The following ACVR1C variants were observed in gnomAD, a reference collection of about 807,000 sequenced individuals.
ACVR1C encodes the protein activin receptor type-1C.
In ACVR1C, 23 loss-of-function variants were observed where a neutral mutation model predicts 57.9. That is an observed-to-expected ratio of 0.40 (90% CI 0.29 to 0.56). The LOEUF is 0.56. Among genes scored for constraint, ACVR1C ranks in the 20% least tolerant of loss-of-function variants. The probability of loss-of-function intolerance (pLI) is 0.50; values close to 1 mark genes in which losing one functional copy is unlikely to be tolerated. For synonymous variants in ACVR1C, 214 were observed against 215.3 expected (o/e 0.99, Z 0.05); for missense variants, 480 against 607.9 (o/e 0.79, Z 2.21).
At chr2:157,588,246 C>G (rs1413235085) in intron 1 of ACVR1C, among the ~76,000 whole-genome samples, 2 of 151,332 alleles carry the variant, frequency 1.3e-5, no homozygotes, top group African/African-American at 4.8e-5. Flanking sequence ...TACACACACA[C>G]ACACACACAC....
rs1687253081 is a variant in ACVR1C, at chr2:157,527,375, G to C, written c.*6543C>G. 6.6e-6 allele frequency: 1 copy of C among 152,088 alleles called. No homozygotes were observed. The highest frequency in any genetic ancestry group is 1.5e-5 in the Non-Finnish European group (1 of 68,014). The allele number at this position is 152,088 out of a possible 1,614,324, so 9.4% of individuals were successfully genotyped here. The stretch of plus-strand genomic sequence containing the variant: ...TAGCTTACAAAAAGTCTTTACAACG[G>C]TGATTCTTTTCACAGTAGTTCAAGA... On this transcript the variant is annotated 3_prime_UTR_variant, in exon 9 of 9. Coordinates refer to ENST00000243349, the MANE Select transcript of ACVR1C (RefSeq NM_145259.3).
At chr2:157,582,299 A>T (rs549307766) in intron 2 of ACVR1C, among the ~76,000 whole-genome samples, 22 of 151,918 alleles carry the variant, frequency 1.4e-4, no homozygotes, top group Non-Finnish European at 2.4e-4. Flanking sequence ...GCCTTAAAAA[A>T]TTTTTTTTTA....
At position 157,531,159 on chromosome 2, in the gene ACVR1C, T is replaced by G. The variant is rs1485845983; in HGVS notation, c.*2759A>C. ...AAAAACAATATAACATTTGACAGCA[T>G]AAGTATATACAAGAAGCCTGCCTTA... On this transcript the variant is annotated 3_prime_UTR_variant, in exon 9 of 9. Transcript: ENST00000243349. 2 of 151,764 alleles carry G rather than the reference T, an allele frequency of 1.3e-5. No homozygotes were observed. The highest frequency in any genetic ancestry group is 2.9e-5 in the Non-Finnish European group (2 of 67,890). 9.4% of individuals were successfully genotyped at this position (151,764 alleles called of 1,614,324 possible). A position where few individuals can be genotyped will look rare whatever the true frequency, so the allele number is the denominator to read the frequency against.
chr2:157,556,049 A>G (rs1457508351), intron 3 of ACVR1C, 44 bp downstream of exon 3: 1 of 1,569,684 alleles, frequency 6.4e-7, no homozygotes. Context: ...ACTTTTAAAT[A>G]AAAGTGTTTT....
chr2:157,627,661 C>T (rs1161987872), intron 1 of ACVR1C, among the ~76,000 whole-genome samples: 2 of 152,186 alleles, frequency 1.3e-5, no homozygotes, highest in Non-Finnish European at 2.9e-5. Context: ...CAAAACACAG[C>T]TCTATGGGAA....
chr2:157,552,659 A>G (rs541792761), intron 3 of ACVR1C, among the ~76,000 whole-genome samples: 1 of 152,356 alleles, frequency 6.6e-6, no homozygotes, highest in South Asian at 2.1e-4. Context: ...TATGCTTTCA[A>G]ACTGCAAATT....
intron 1 of ACVR1C, among the ~76,000 whole-genome samples, chr2:157,621,549 A>T (rs1355247046): frequency 6.6e-6 from 1 of 152,172 alleles, no homozygotes; most frequent in Non-Finnish European, 1.5e-5. Context: ...CAAGAAAAAC[A>T]AGGGGCTCAT....
At position 157,602,917 on chromosome 2, in the gene ACVR1C, T is replaced by C. The variant is rs535621668; in HGVS notation, c.74-15500A>G. 3.9e-5 allele frequency among the ~76,000 whole-genome samples: 6 copies of C among 152,316 alleles called. No individual in the cohort carries two copies. The South Asian group carries it at 1.2e-3, about 32-fold the overall frequency. ...GTAATCAGGGATGAATATTAATTTG[T>C]TAAAGTCATTTCTTGTTCCGTCAAA... is the stretch of plus-strand genomic sequence containing the variant. On this transcript the variant is annotated intron_variant, in intron 1 of 8. Transcript: ENST00000243349.
chr2:157,546,541 A>G (rs1687759496), intron 4 of ACVR1C, among the ~76,000 whole-genome samples: 1 of 152,126 alleles, frequency 6.6e-6, no homozygotes, highest in African/African-American at 2.4e-5. Context: ...TTAATAGATA[A>G]TTTGTCTTAA....
intron 2 of ACVR1C, among the ~76,000 whole-genome samples, chr2:157,584,109 C>A (rs1688856649): frequency 6.6e-6 from 1 of 151,828 alleles, no homozygotes; most frequent in Non-Finnish European, 1.5e-5. Flanking sequence ...CACAATTTAT[C>A]TATCTGATAA....
chr2:157,610,492 A>C (rs921386310), intron 1 of ACVR1C, among the ~76,000 whole-genome samples: 1 of 152,138 alleles, frequency 6.6e-6, no homozygotes, highest in Non-Finnish European at 1.5e-5. Context: ...GATTTTACAC[A>C]GCTTGATTAT....
In ACVR1C at chr2:157,554,339, GAGAA is replaced by G. The variant is rs1433104040; in HGVS notation, c.544+1750_544+1753del. On this transcript the variant is annotated intron_variant, in intron 3 of 8. Coordinates refer to ENST00000243349, the MANE Select transcript of ACVR1C (RefSeq NM_145259.3). ...AGAAAAAGAAAAAGAAAGAGAAAGA[GAGAA>G]AGAAAGAAAGAGAAAGAAAGAAAGA... 3.7e-3 allele frequency among the ~76,000 whole-genome samples: 458 copies of G among 124,784 alleles called. 6 individuals carry two copies. The highest frequency in any genetic ancestry group is 0.029 in the South Asian group (103 of 3,560). 81.9% of individuals were successfully genotyped at this position (124,784 alleles called of 152,430 possible).
At chr2:157,566,737 G>A (rs549770378) in intron 2 of ACVR1C, among the ~76,000 whole-genome samples, 15 of 151,674 alleles carry the variant, frequency 9.9e-5, no homozygotes, top group Non-Finnish European at 1.8e-4. Context: ...CTGATTGCTA[G>A]CACAGCAGTC....
chr2:157,606,304 TG>T (rs1682395317), intron 1 of ACVR1C, among the ~76,000 whole-genome samples: 1 of 151,874 alleles, frequency 6.6e-6, no homozygotes, highest in African/African-American at 2.4e-5. Flanking sequence ...TTATTTCCTT[TG>T]GATAAATACC....
intron 2 of ACVR1C, among the ~76,000 whole-genome samples, chr2:157,579,022 CT>C (rs959597449): frequency 6.6e-6 from 1 of 152,148 alleles, no homozygotes; most frequent in African/African-American, 2.4e-5. Context: ...CTCTAATTAA[CT>C]TTTTTTCCTC....
rs1687423208 is a variant in ACVR1C at position 157,534,058 on chromosome 2, A to G, written c.1357-15T>C. 2 of 1,518,304 alleles carry G rather than the reference A, an allele frequency of 1.3e-6. No homozygotes were observed. The highest frequency in any genetic ancestry group is 1.8e-6 in the Non-Finnish European group (2 of 1,138,560). 94.1% of individuals were successfully genotyped at this position (1,518,304 alleles called of 1,614,324 possible). ...ACTCGGAGTGCCTTTAAGAGAGAAA[A>G]AAAAAATCAAAGACTTTAGCTACTC... is the stretch of plus-strand genomic sequence containing the variant. On this transcript the variant is annotated splice_polypyrimidine_tract_variant and intron_variant, in intron 8 of 8. Coordinates refer to ENST00000243349, the MANE Select transcript of ACVR1C (RefSeq NM_145259.3).
Position 157,587,264 on chromosome 2 carries a change from T to C in ACVR1C, c.227A>G (p.His76Arg). 4 of 1,613,750 alleles carry C rather than the reference T, an allele frequency of 2.5e-6. No individual in the cohort carries two copies. Among genetic ancestry groups the C allele is most frequent in the Admixed American group, 1.7e-5 (1 of 59,992 alleles). The change falls in exon 2 of 9, where the codon CAT becomes CGT. Residue 76 changes from histidine (H) to arginine (R), a missense_variant. Physicochemically the swap from His to Arg is conservative, Grantham distance 29. Coordinates refer to ENST00000243349, the MANE Select transcript of ACVR1C (RefSeq NM_145259.3). ...GGTTTTGGTAACATTGTTGGAACTATGACAGAAGACTTGAGCATTCAGTTC... is the reference window on the plus strand; with the variant it reads ...GGTTTTGGTAACATTGTTGGAACTACGACAGAAGACTTGAGCATTCAGTTC... ...LPELNAQVFC[H>R]SSNNVTKTEC...
chr2:157,562,012 G>A (rs1688238868), intron 2 of ACVR1C, among the ~76,000 whole-genome samples: 1 of 152,120 alleles, frequency 6.6e-6, no homozygotes, highest in South Asian at 2.1e-4. Flanking sequence ...AAAATATGGA[G>A]AAGGCTGGGT....
Position 157,582,936 on chromosome 2 carries a change from G to A in ACVR1C, c.304+4251C>T, listed in dbSNP as rs1688825125. 2.6e-5 allele frequency among the ~76,000 whole-genome samples: 4 copies of A among 152,092 alleles called. No homozygotes were observed. The South Asian group carries it at 8.3e-4, about 32-fold the overall frequency. The stretch of plus-strand genomic sequence containing the variant: ...ACTCTGTCACCCAGACTGGAGTGCA[G>A]TGTGGCACGATCTCAGATCACTGCA... On this transcript the variant is annotated intron_variant, in intron 2 of 8. Coordinates refer to ENST00000243349, the MANE Select transcript of ACVR1C (RefSeq NM_145259.3).
Sources: gnomAD v4.1 joint callset for allele counts (sites outside exome capture counted in the v4.1 genomes callset) on GRCh38, gnomAD v4.1.1 for gene constraint, MANE v1.5 for transcripts, NCBI Gene and HGNC (gene_info 2026-07-23, HGNC 2026-07-21) for gene names.